The following KCNT2 variants were observed in gnomAD, a reference collection of about 807,000 sequenced individuals.
KCNT2 encodes the protein potassium channel subfamily T member 2.
KCNT2 carries 67 observed loss-of-function variants against 153.8 expected under a neutral mutation model. The observed-to-expected ratio is 0.44, with a 90% CI of 0.36 to 0.53. KCNT2 has a LOEUF of 0.53. Among genes scored for constraint, KCNT2 ranks in the 20% least tolerant of loss-of-function variants. KCNT2 has a pLI of 0.00. For synonymous variants in KCNT2, 500 were observed against 458.8 expected (o/e 1.09, Z -1.15); for missense variants, 975 against 1,354.8 (o/e 0.72, Z 4.40).
intron 12 of KCNT2, among the ~76,000 whole-genome samples, chr1:196,406,592 C>CAA (rs11357087): frequency 5.2e-5 from 7 of 135,496 alleles, no homozygotes; most frequent in Admixed American, 2.2e-4. Flanking sequence ...ACATCAAAGT[C>CAA]AAAAAAAAAA....
chr1:196,308,759 A>G (rs1046466102), intron 21 of KCNT2, among the ~76,000 whole-genome samples: 1 of 152,038 alleles, frequency 6.6e-6, no homozygotes, highest in Non-Finnish European at 1.5e-5. Context: ...TTCCCCCACC[A>G]TTATAATAAA....
At chr1:196,247,399 G>A (rs1655550859) in intron 26 of KCNT2, among the ~76,000 whole-genome samples, 1 of 152,154 alleles carries the variant, frequency 6.6e-6, no homozygotes, top group Admixed American at 6.6e-5. Flanking sequence ...GCAAGGAAAT[G>A]TCAGACTTAA....
rs1239075114 is a variant in KCNT2 at position 196,285,648 on chromosome 1, A to G, written c.2697+9T>C. 11 of 1,536,710 alleles carry G rather than the reference A, an allele frequency of 7.2e-6. No individual in the cohort carries two copies. The highest frequency in any genetic ancestry group is 4.5e-5 in the East Asian group (2 of 44,424). On this transcript the variant is annotated intron_variant, in intron 23 of 27. Coordinates refer to ENST00000294725, the MANE Select transcript of KCNT2 (RefSeq NM_198503.5). The stretch of plus-strand genomic sequence containing the variant: ...CATTTTAGAGAAAATAAAAAGAAAT[A>G]TTGTATACCTGATACAGCAGAGTGT...
chr1:196,361,549 G>A (rs1489909084), intron 14 of KCNT2, among the ~76,000 whole-genome samples: 2 of 151,992 alleles, frequency 1.3e-5, no homozygotes, highest in African/African-American at 2.4e-5. Context: ...GCTGTTGTCA[G>A]CAGCTAGATA....
chr1:196,520,963 T>C (rs1475107127), intron 1 of KCNT2, among the ~76,000 whole-genome samples: 1 of 152,156 alleles, frequency 6.6e-6, no homozygotes, highest in Non-Finnish European at 1.5e-5. Context: ...CTAATTAAAC[T>C]TAAGAGCTTC....
chr1:196,602,999 G>T, intron 1 of KCNT2, among the ~76,000 whole-genome samples: 1 of 150,432 alleles, frequency 6.6e-6, no homozygotes, highest in East Asian at 2.0e-4. Flanking sequence ...TGTTAGCCAG[G>T]ATGGTCTCGA....
At chr1:196,334,467 T>A (rs1359284732) in intron 16 of KCNT2, among the ~76,000 whole-genome samples, 4 of 137,504 alleles carry the variant, frequency 2.9e-5, no homozygotes, top group Non-Finnish European at 6.1e-5. Flanking sequence ...TTGCTTTTTC[T>A]TTTATTTCTT....
chr1:196,476,504 T>C (rs1225075816), intron 5 of KCNT2, among the ~76,000 whole-genome samples: 1 of 152,176 alleles, frequency 6.6e-6, no homozygotes, highest in South Asian at 2.1e-4. Context: ...TTCTTCATTA[T>C]CTTCATCTAT....
chr1:196,231,938 A>G (rs1480607570), intron 27 of KCNT2, among the ~76,000 whole-genome samples: 1 of 151,894 alleles, frequency 6.6e-6, no homozygotes, highest in Non-Finnish European at 1.5e-5. Flanking sequence ...TAATACTTCT[A>G]TAATATTTTT....
chr1:196,383,410 C>A (rs1669678517), intron 13 of KCNT2, among the ~76,000 whole-genome samples: 1 of 152,116 alleles, frequency 6.6e-6, no homozygotes, highest in Non-Finnish European at 1.5e-5. Flanking sequence ...TTCTAAAATG[C>A]TGCTCTCAAT....
At chr1:196,361,668 A>G (rs1667634894) in intron 14 of KCNT2, among the ~76,000 whole-genome samples, 1 of 152,090 alleles carries the variant, frequency 6.6e-6, no homozygotes, top group Non-Finnish European at 1.5e-5. Context: ...GTCACCAGGT[A>G]GCTGGTGGTG....
intron 14 of KCNT2, among the ~76,000 whole-genome samples, chr1:196,350,212 G>C (rs939925716): frequency 6.6e-6 from 1 of 152,114 alleles, no homozygotes; most frequent in Non-Finnish European, 1.5e-5. Flanking sequence ...AGTCCTTTGG[G>C]TATATACCCA....
chr1:196,321,268 G>A (rs577372097), intron 19 of KCNT2, among the ~76,000 whole-genome samples: 171 of 151,908 alleles, frequency 1.1e-3, no homozygotes, highest in Non-Finnish European at 1.7e-3. Context: ...AATTGGAGAA[G>A]CACATAGGAG....
chr1:196,591,701 T>C (rs969284687), intron 1 of KCNT2, among the ~76,000 whole-genome samples: 2 of 152,188 alleles, frequency 1.3e-5, no homozygotes, highest in African/African-American at 2.4e-5. Context: ...TCAAGGATAC[T>C]GTAAGTGTGG....
chr1:196,284,248 A>AAAAAAAAAAAAAATATATATATAT, intron 23 of KCNT2, among the ~76,000 whole-genome samples: 1 of 10,050 alleles, frequency 1.0e-4, no homozygotes, highest in Non-Finnish European at 5.3e-4. Flanking sequence ...AAAAAAAAAA[A>AAAAAAAAAAAAAATATATATATAT]ATATATATAT....
chr1:196,585,606 A>G (rs1007159042), intron 1 of KCNT2, among the ~76,000 whole-genome samples: 1 of 152,162 alleles, frequency 6.6e-6, no homozygotes. Context: ...TAATTAAAAA[A>G]AAACATTATA....
chr1:196,305,122 C>T, intron 22 of KCNT2, 112 bp downstream of exon 22: 1 of 671,140 alleles, frequency 1.5e-6, no homozygotes, highest in Non-Finnish European at 2.6e-6. Flanking sequence ...AATAAAAATT[C>T]AAAACAGCAT....
chr1:196,482,180 A>T, intron 4 of KCNT2, 151 bp downstream of exon 4: 2 of 599,630 alleles, frequency 3.3e-6, no homozygotes, highest in South Asian at 2.1e-5. Context: ...AACAAGAAAA[A>T]AGAAATGAAA....
intron 1 of KCNT2, among the ~76,000 whole-genome samples, chr1:196,506,433 C>T (rs1241763727): frequency 6.6e-6 from 1 of 152,078 alleles, no homozygotes. Flanking sequence ...TAATCATTTA[C>T]TTGGGAAAAA....
Sources: allele counts gnomAD v4.1 joint callset (sites outside exome capture counted in the v4.1 genomes callset), GRCh38; gene constraint gnomAD v4.1.1; transcripts MANE v1.5; gene names NCBI Gene and HGNC (gene_info 2026-07-23, HGNC 2026-07-21).